Variants in KIF15 observed in about 807,000 individuals in gnomAD.
KIF15 encodes kinesin family member 15.
KIF15 carries 140 observed loss-of-function variants against 190.6 expected under a neutral mutation model. The observed-to-expected ratio is 0.73, with a 90% confidence interval of 0.64 to 0.84. The LOEUF (loss-of-function observed/expected upper bound fraction) is 0.84. Among genes scored for constraint, KIF15 ranks in the 40% least tolerant of loss-of-function variants. The pLI is 0.00. For synonymous variants in KIF15, 528 were observed against 551.3 expected (o/e 0.96, Z 0.59); for missense variants, 1,372 against 1,584.4 (o/e 0.87, Z 2.28).
At chr3:44,777,468 C>T (rs867274236) in intron 3 of KIF15, among the ~76,000 whole-genome samples, 1 of 151,890 alleles carries the variant, frequency 6.6e-6, no homozygotes. Flanking sequence ...TGGAGGTGGG[C>T]GGATCACGAG....
In KIF15 at chr3:44,843,261, G is replaced by A. The variant is rs1698694191; in HGVS notation, c.3695+27G>A. On this transcript the variant is annotated intron_variant, in intron 30 of 34. Transcript: ENST00000326047. ...TGAGAAAGAACCACGAGAACTCTAT[G>A]GGCTAAATCTTGGCCTGCCTGTGTG... 3 of 1,490,878 alleles carry A rather than the reference G, an allele frequency of 2.0e-6. No homozygotes were observed. In the South Asian group the frequency reaches 3.5e-5, roughly 17 times the overall value. The allele number at this position is 1,490,878 out of a possible 1,614,324, so 92.4% of individuals were successfully genotyped here.
chr3:44,832,415 G>A lies in KIF15; in HGVS notation c.3171+1397G>A, dbSNP rs1347769112. Among the ~76,000 whole-genome samples the A allele has an allele frequency of 2.0e-5, 3 of 152,196 alleles. 1 individual carries two copies. The South Asian group carries it at 6.2e-4, about 31-fold the overall frequency. ...TAGTGGGGATAGGGGGTGAGATAGA[G>A]TTGGGAAATGTTTCAGAGCTACAGG... On this transcript the variant is annotated intron_variant, in intron 26 of 34. Coordinates refer to ENST00000326047, the MANE Select transcript of KIF15 (RefSeq NM_020242.3).
intron 16 of KIF15, among the ~76,000 whole-genome samples, chr3:44,810,613 T>C (rs566404347): frequency 1.3e-5 from 2 of 152,272 alleles, no homozygotes; most frequent in Admixed American, 1.3e-4. Context: ...TGTATGAAAA[T>C]AGATATCAGC....
At chr3:44,857,109 G>A (rs920969443), downstream of KIF15, among the ~76,000 whole-genome samples, 1 of 152,128 alleles carries the variant, frequency 6.6e-6, no homozygotes, top group Admixed American at 6.5e-5. Flanking sequence ...ATAGGGAAAT[G>A]GAGTGAATGT....
chr3:44,797,909 C>G lies in KIF15; in HGVS notation c.1051C>G (p.Leu351Val), dbSNP rs371503890. 8.1e-6 allele frequency: 13 copies of G among 1,613,868 alleles called. No individual in the cohort carries two copies. Among genetic ancestry groups the G allele is most frequent in the Non-Finnish European group, 1.1e-5 (13 of 1,179,950 alleles). ...HPGSRCFGET[L>V]STLNFAQRAK... ...TGGATCCAGGTGTTTTGGGGAAACCCTATCAACACTTAACTTTGCTCAAAG... is the reference window on the plus strand; with the variant it reads ...TGGATCCAGGTGTTTTGGGGAAACCGTATCAACACTTAACTTTGCTCAAAG... Residue 351 changes from leucine to valine, a missense_variant, in exon 10 of 35, where the codon CTA (leucine) becomes GTA (valine). Transcript: ENST00000326047.
intron 24 of KIF15, among the ~76,000 whole-genome samples, chr3:44,829,519 TATATGTATATA>T (rs1275992103): frequency 7.7e-6 from 1 of 129,654 alleles, no homozygotes; most frequent in South Asian, 2.2e-4. Context: ...GCATATATAT[TATATGTATATA>T]ATATGTATAT....
At chr3:44,799,643 T>C (rs980928497) in intron 10 of KIF15, among the ~76,000 whole-genome samples, 1 of 151,500 alleles carries the variant, frequency 6.6e-6, no homozygotes, top group Non-Finnish European at 1.5e-5. Flanking sequence ...TGCCCCACTC[T>C]TGACATCCTG....
intron 25 of KIF15, among the ~76,000 whole-genome samples, chr3:44,830,512 A>C (rs1264511353): frequency 6.6e-6 from 1 of 152,236 alleles, no homozygotes; most frequent in Non-Finnish European, 1.5e-5. Context: ...AATATTGGAC[A>C]TAATATCATT....
chr3:44,768,544 G>A (rs531817080), intron 1 of KIF15, among the ~76,000 whole-genome samples: 1 of 116,646 alleles, frequency 8.6e-6, no homozygotes, highest in South Asian at 4.0e-4. Context: ...TGGGCCTTTA[G>A]TCTGAGCCAC....
Position 44,851,768 on chromosome 3 carries a change from T to TGATA in KIF15, c.3807-18_3807-15dup. ...TATGTTTCTTTCAAATACTATAAAG[T>TGATA]GATAACCTATTCCTACAGCCTAGAA... is the stretch of plus-strand genomic sequence containing the variant. On this transcript the variant is annotated intron_variant, in intron 32 of 34. Transcript: ENST00000326047. The TGATA allele has an allele frequency of 6.3e-7, 1 of 1,593,184 alleles. No individual in the cohort carries two copies. Among genetic ancestry groups the TGATA allele is most frequent in the Non-Finnish European group, 8.6e-7 (1 of 1,167,672 alleles).
At chr3:44,818,303 G>T (rs1708115089) in intron 20 of KIF15, among the ~76,000 whole-genome samples, 1 of 152,162 alleles carries the variant, frequency 6.6e-6, no homozygotes, top group Non-Finnish European at 1.5e-5. Context: ...GTAAGAGAGG[G>T]CATCCCTGTC....
chr3:44,835,032 A>T (rs1457826936), intron 26 of KIF15, among the ~76,000 whole-genome samples: 1 of 150,896 alleles, frequency 6.6e-6, no homozygotes, highest in Admixed American at 6.6e-5. Context: ...TTAAAAACAT[A>T]ACAGGAGCTT....
At chr3:44,767,354 G>A (rs556915952) in intron 1 of KIF15, among the ~76,000 whole-genome samples, 94 of 152,342 alleles carry the variant, frequency 6.2e-4, no homozygotes, top group African/African-American at 2.2e-3. Context: ...TTGTTGGATT[G>A]TGGGTATATT....
rs762817365 is a variant in KIF15 at position 44,806,029 on chromosome 3, G to A, written c.1971+43G>A. 2.6e-5 allele frequency: 42 copies of A among 1,588,742 alleles called. No individual in the cohort carries two copies. The Admixed American group carries it at 7.0e-4, about 26-fold the overall frequency. On this transcript the variant is annotated intron_variant, in intron 16 of 34. Transcript: ENST00000326047. ...TACCTCCACCTTAAATCAGTGCAAT[G>A]TCATTTTATTAATAATGGAGAGAGT...
In KIF15 at chr3:44,826,155, A is replaced by C; in HGVS notation, c.2666A>C (p.Lys889Thr). 1 of 1,577,348 alleles carries C rather than the reference A, an allele frequency of 6.3e-7. No individual in the cohort carries two copies. The highest frequency in any genetic ancestry group is 8.5e-7 in the Non-Finnish European group (1 of 1,170,690). ...DQLSRNLQNFKKENETLKSDL... is the reference protein window; with the variant it reads ...DQLSRNLQNFTKENETLKSDL... Reference sequence around the variant, plus strand: ...CTTTCAAGAAACCTCCAAAACTTCAAAAAAGAAAATGAAACTCTGAAATCT... The same window carrying C: ...CTTTCAAGAAACCTCCAAAACTTCACAAAAGAAAATGAAACTCTGAAATCT... The change falls in exon 21 of 35, where the codon AAA becomes ACA. Residue 889 changes from lysine (K) to threonine (T), a missense_variant. Lys to Thr is a moderately conservative substitution (Grantham distance 78, BLOSUM62 -1). Coordinates refer to ENST00000326047, the MANE Select transcript of KIF15 (RefSeq NM_020242.3).
chr3:44,823,796 C>T (rs774973364), intron 20 of KIF15, among the ~76,000 whole-genome samples: 17 of 152,250 alleles, frequency 1.1e-4, no homozygotes, highest in Middle Eastern at 6.8e-3. Flanking sequence ...AGTGAGGCTC[C>T]GTGGGCGTGG....
Position 44,797,686 on chromosome 3 carries a change from A to T in KIF15, c.975+10A>T, listed in dbSNP as rs1393817894. On this transcript the variant is annotated intron_variant, in intron 9 of 34. Transcript: ENST00000326047. ...TACCTTCTTACTACGGGTAAAGTAG[A>T]TCCTTGGGTTCCTGGGCTCCTTTTG... The T allele has an allele frequency of 6.8e-6, 11 of 1,612,908 alleles. No homozygotes were observed. The Admixed American group carries it at 1.8e-4, about 27-fold the overall frequency.
intron 16 of KIF15, among the ~76,000 whole-genome samples, chr3:44,810,323 C>G (rs1237203617): frequency 1.3e-5 from 2 of 152,086 alleles, no homozygotes; most frequent in Non-Finnish European, 2.9e-5. Flanking sequence ...GTGATAATAG[C>G]TCACTGCAAC....
At chr3:44,866,080 GT>G (rs59934232) in intron 6 of KIF15, among the ~76,000 whole-genome samples, 55 of 140,890 alleles carry the variant, frequency 3.9e-4, no homozygotes, top group African/African-American at 1.1e-3. Flanking sequence ...GTTTTTTTGG[GT>G]TTTTTTTTTT....
Sources: allele counts gnomAD v4.1 joint callset (sites outside exome capture counted in the v4.1 genomes callset), GRCh38; gene constraint gnomAD v4.1.1; transcripts MANE v1.5; gene names NCBI Gene and HGNC (gene_info 2026-07-23, HGNC 2026-07-21).